Variants in CDH23 observed in about 807,000 individuals in gnomAD.
CDH23 encodes the protein cadherin-23.
CDH23 carries 189 observed loss-of-function variants against 317.1 expected under a neutral mutation model. That is an observed-to-expected ratio of 0.60 (90% confidence interval 0.53 to 0.67). The LOEUF (loss-of-function observed/expected upper bound fraction) is 0.67, where lower values mean the gene tolerates loss of function less well. Among genes scored for constraint, CDH23 ranks in the 30% least tolerant of loss-of-function variants. The probability of loss-of-function intolerance (pLI) is 0.00; values close to 1 mark genes in which losing one functional copy is unlikely to be tolerated. For synonymous variants in CDH23, 1,839 were observed against 1,876.8 expected, an observed-to-expected ratio of 0.98 and a Z score of 0.52; for missense variants, 4,401 against 4,592.4, an observed-to-expected ratio of 0.96 and a Z score of 1.20.
intron 1 of CDH23, among the ~76,000 whole-genome samples, chr10:71,420,410 ATGATGG>A (rs1848704432): frequency 1.5e-4 from 2 of 13,474 alleles, no homozygotes; most frequent in South Asian, 2.4e-3. Flanking sequence ...GATGGTGATG[ATGATGG>A]TGATGGTGAT....
At chr10:71,427,082 T>C (rs1411163086) in intron 1 of CDH23, among the ~76,000 whole-genome samples, 1 of 148,448 alleles carries the variant, frequency 6.7e-6, no homozygotes, top group East Asian at 2.0e-4. Context: ...GCCCAGGAGG[T>C]TGAGGCTGCA....
chr10:71,484,109 T>G (rs1852216555), intron 3 of CDH23, among the ~76,000 whole-genome samples: 1 of 152,206 alleles, frequency 6.6e-6, no homozygotes, highest in Non-Finnish European at 1.5e-5. Context: ...GGGTGAGGGC[T>G]TGAGGCATGG....
At chr10:71,769,938 G>A (rs1840649005) in intron 38 of CDH23, among the ~76,000 whole-genome samples, 1 of 152,140 alleles carries the variant, frequency 6.6e-6, no homozygotes, top group Admixed American at 6.5e-5. Context: ...TTGCCTTCAA[G>A]TTGCAATGTC....
At chr10:71,511,036 T>C (rs1472656676) in intron 5 of CDH23, 35 bp downstream of exon 5, 2 of 1,612,830 alleles carry the variant, frequency 1.2e-6, no homozygotes, top group Non-Finnish European at 1.7e-6. Flanking sequence ...GGCATGTTCC[T>C]GGGGTCACAG....
rs76337370 is a variant in CDH23, at chr10:71,432,297, T to A, written c.-5-7530T>A. Among the ~76,000 whole-genome samples the A allele has an allele frequency of 5.0e-3, 745 of 147,982 alleles. 5 individuals are homozygous for A. Among genetic ancestry groups the A allele is most frequent in the African/African-American group, 0.015 (592 of 40,006 alleles). ...ATGAGTGTGTTTGAGAGTGTGTGTG[T>A]GAGTGTGTGAATGTGTGGGTGTGTG... On this transcript the variant is annotated intron_variant, in intron 1 of 69. Coordinates refer to ENST00000224721, the MANE Select transcript of CDH23 (RefSeq NM_022124.6).
At chr10:71,633,049 C>G (rs1011336127) in intron 11 of CDH23, among the ~76,000 whole-genome samples, 1 of 151,974 alleles carries the variant, frequency 6.6e-6, no homozygotes, top group Non-Finnish European at 1.5e-5. Flanking sequence ...TGCAGTAGCT[C>G]AGGTCTCTCT....
intron 9 of CDH23, among the ~76,000 whole-genome samples, chr10:71,594,586 G>A (rs912476879): frequency 4.6e-5 from 7 of 152,178 alleles, no homozygotes; most frequent in Admixed American, 2.0e-4. Context: ...ATGTTGGTCA[G>A]GCTGGTCTTG....
intron 38 of CDH23, chr10:71,773,516 C>T (rs764452960): frequency 1.4e-6 from 2 of 1,403,198 alleles, no homozygotes; most frequent in Non-Finnish European, 2.0e-6. Context: ...AAGCCTCCCG[C>T]GACTGAGTGC....
At chr10:71,644,361 T>C (rs368835853) in intron 12 of CDH23, among the ~76,000 whole-genome samples, 7 of 152,376 alleles carry the variant, frequency 4.6e-5, no homozygotes, top group Non-Finnish European at 1.5e-5. Flanking sequence ...ATGCAGCAAG[T>C]GTATTTGCCA....
chr10:71,439,484 C>T (rs74144956), intron 1 of CDH23, among the ~76,000 whole-genome samples: 2,967 of 152,170 alleles, frequency 0.019, 109 homozygotes, highest in African/African-American at 0.067. Flanking sequence ...GGCAGCAGCC[C>T]CTGCCTCCAT....
At chr10:71,670,431 CACAG>C (rs1227173173) in intron 14 of CDH23, among the ~76,000 whole-genome samples, 4 of 152,208 alleles carry the variant, frequency 2.6e-5, no homozygotes, top group African/African-American at 7.2e-5. Flanking sequence ...GTGGGGCACA[CACAG>C]ACAGTTTTCA....
chr10:71,753,009 A>C, intron 38 of CDH23: 1 of 1,612,048 alleles, frequency 6.2e-7, no homozygotes, highest in Non-Finnish European at 8.5e-7. Context: ...GCACCTAGGG[A>C]CAGACAGACA....
chr10:71,493,131 G>T (rs1218313742), intron 3 of CDH23, among the ~76,000 whole-genome samples: 1 of 152,182 alleles, frequency 6.6e-6, no homozygotes, highest in Non-Finnish European at 1.5e-5. Flanking sequence ...TGGGGTTGTT[G>T]GCAGGGGAAT....
At chr10:71,796,281 G>A (rs772189623) in intron 48 of CDH23, among the ~76,000 whole-genome samples, 27 of 152,214 alleles carry the variant, frequency 1.8e-4, no homozygotes, top group Non-Finnish European at 2.4e-4. Context: ...GCAGCACTGA[G>A]GTCAGCCAAA....
intron 38 of CDH23, chr10:71,750,965 C>T (rs1839983508): frequency 5.0e-6 from 2 of 400,612 alleles, no homozygotes; most frequent in Non-Finnish European, 9.0e-6. Flanking sequence ...CGTTCTGAGA[C>T]TTCTTAAGAT....
At chr10:71,694,018 C>A in intron 20 of CDH23, 129 bp from the exon 21 acceptor site, 2 of 769,102 alleles carry the variant, frequency 2.6e-6, no homozygotes, top group Non-Finnish European at 2.2e-6. Flanking sequence ...GCCGCCAGAT[C>A]ATGGTAGCTT....
rs1442206473 is a variant in CDH23 at position 71,815,156 on chromosome 10, C to A, written c.9943C>A (p.Leu3315Met). 1 of 1,611,340 alleles carries A rather than the reference C, an allele frequency of 6.2e-7. No individual in the cohort carries two copies. The highest frequency in any genetic ancestry group is 8.5e-7 in the Non-Finnish European group (1 of 1,179,076). The change falls in exon 70 of 70, where the codon CTG becomes ATG. Residue 3315 changes from leucine to methionine, a missense_variant. Physicochemically the swap from Leu to Met is conservative, Grantham distance 15. Around this residue, in one of 3 missense-constraint regions of CDH23, gnomAD observed 1,144 missense variants for 1,138.2 expected, o/e 1.01. Transcript: ENST00000224721. ...QKGLGRSLET[L>M]TAAEATAFER... ...GGGCCTGGGCCGCTCGCTGGAGACG[C>A]TGACCGCTGCCGAGGCCACTGCCTT...
chr10:71,447,565 G>T (rs1850232719), intron 3 of CDH23, among the ~76,000 whole-genome samples: 2 of 152,134 alleles, frequency 1.3e-5, no homozygotes, highest in Non-Finnish European at 2.9e-5. Context: ...GCTGTGGGGG[G>T]CCCTCTGTGG....
rs367734102 is a variant in CDH23 at position 71,661,921 on chromosome 10, T to C, written c.1450-13191T>C. Among the ~76,000 whole-genome samples, 3 of 121,996 alleles carry C rather than the reference T, an allele frequency of 2.5e-5. No individual in the cohort carries two copies. In the East Asian group the frequency reaches 7.9e-4, roughly 32 times the overall value. 80.0% of individuals were successfully genotyped at this position (121,996 alleles called of 152,430 possible). On this transcript the variant is annotated intron_variant, in intron 14 of 69. Transcript: ENST00000224721. ...CCACCCAGCGCGCCCCCTTCCACCCTGCGCGCCTCCTCACACCCTGCGCGC... is the reference window on the plus strand; with the variant it reads ...CCACCCAGCGCGCCCCCTTCCACCCCGCGCGCCTCCTCACACCCTGCGCGC...
Sources: allele counts gnomAD v4.1 joint callset (sites outside exome capture counted in the v4.1 genomes callset), GRCh38; gene constraint gnomAD v4.1.1; regional missense constraint gnomAD v4.1.1; transcripts MANE v1.5; gene names NCBI Gene and HGNC (gene_info 2026-07-23, HGNC 2026-07-21).